The following PAIP2B variants were observed in gnomAD, a reference collection of about 807,000 sequenced individuals.
PAIP2B encodes polyadenylate-binding protein-interacting protein 2B.
PAIP2B carries 13 observed loss-of-function variants against 17.0 expected under a neutral mutation model. That is an observed-to-expected ratio of 0.76 (90% CI 0.50 to 1.22). The LOEUF (loss-of-function observed/expected upper bound fraction) is 1.22. Among genes scored for constraint, PAIP2B ranks in the 50% most tolerant of loss-of-function variants. The pLI, the probability that PAIP2B is intolerant of heterozygous loss-of-function variation, is 0.00. For missense variants in PAIP2B, 117 were observed against 144.5 expected (o/e 0.81, Z 0.98); for synonymous variants, 43 against 48.7 (o/e 0.88, Z 0.48).
chr2:71,186,425 A>G lies in PAIP2B; in HGVS notation c.*2054T>C, dbSNP rs185011549. The G allele has an allele frequency of 1.1e-3, 169 of 152,366 alleles. 1 individual carries two copies. Among genetic ancestry groups the G allele is most frequent in the African/African-American group, 3.8e-3 (157 of 41,582 alleles). 9.4% of individuals were successfully genotyped at this position (152,366 alleles called of 1,614,324 possible). On this transcript the variant is annotated 3_prime_UTR_variant, in exon 4 of 4. Coordinates refer to ENST00000244221, the MANE Select transcript of PAIP2B (RefSeq NM_020459.1). ...TGCCAGCCCTCAGTGTCCATGCTAAACTGGCAGGAAGTTTTCATAGTCCTG... is the reference window on the plus strand; with the variant it reads ...TGCCAGCCCTCAGTGTCCATGCTAAGCTGGCAGGAAGTTTTCATAGTCCTG...
intron 1 of PAIP2B, among the ~76,000 whole-genome samples, chr2:71,225,945 C>G (rs1445395574): frequency 6.6e-6 from 1 of 152,162 alleles, no homozygotes. Context: ...TATTTTATGA[C>G]AAAGTAGGGT....
At chr2:71,199,950 G>T (rs1478934070) in intron 2 of PAIP2B, among the ~76,000 whole-genome samples, 1 of 152,102 alleles carries the variant, frequency 6.6e-6, no homozygotes, top group East Asian at 1.9e-4. Flanking sequence ...TCTTTCCTGA[G>T]TTACTTTAAA....
At chr2:71,219,355 T>C (rs149701595) in intron 1 of PAIP2B, among the ~76,000 whole-genome samples, 1 of 152,328 alleles carries the variant, frequency 6.6e-6, no homozygotes, top group African/African-American at 2.4e-5. Context: ...TTCTCATGTA[T>C]GTACCCCATG....
intron 1 of PAIP2B, among the ~76,000 whole-genome samples, chr2:71,204,157 C>T (rs1675062328): frequency 6.9e-6 from 1 of 143,894 alleles, no homozygotes; most frequent in Admixed American, 6.7e-5. Context: ...TTGTAACTCA[C>T]CACAATATTA....
intron 1 of PAIP2B, among the ~76,000 whole-genome samples, chr2:71,204,982 T>C (rs1018987547): frequency 6.6e-6 from 1 of 151,404 alleles, no homozygotes; most frequent in Non-Finnish European, 1.5e-5. Context: ...TTAAAAAAAA[T>C]CTTCCTGTGC....
chr2:71,207,804 G>A (rs1675174831), intron 1 of PAIP2B, among the ~76,000 whole-genome samples: 1 of 152,164 alleles, frequency 6.6e-6, no homozygotes, highest in Admixed American at 6.5e-5. Context: ...GATTGGTAAT[G>A]TCATTCACTG....
intron 1 of PAIP2B, among the ~76,000 whole-genome samples, chr2:71,220,807 C>G (rs1195393051): frequency 6.6e-6 from 1 of 152,190 alleles, no homozygotes; most frequent in Non-Finnish European, 1.5e-5. Context: ...TTTGAGAAAT[C>G]TTTCCCCAGC....
intron 1 of PAIP2B, among the ~76,000 whole-genome samples, chr2:71,215,373 G>A (rs1572936470): frequency 1.3e-5 from 2 of 152,166 alleles, no homozygotes; most frequent in Non-Finnish European, 2.9e-5. Context: ...AATTCAGATG[G>A]TCTAAAGGTG....
chr2:71,204,512 T>C (rs1319836334), intron 1 of PAIP2B, among the ~76,000 whole-genome samples: 1 of 152,142 alleles, frequency 6.6e-6, no homozygotes, highest in Non-Finnish European at 1.5e-5. Flanking sequence ...GAGCAAAGAA[T>C]AGATGGAAAA....
intron 1 of PAIP2B, among the ~76,000 whole-genome samples, chr2:71,208,407 A>C (rs1056023082): frequency 2.0e-5 from 3 of 151,542 alleles, no homozygotes; most frequent in Non-Finnish European, 4.4e-5. Context: ...TGGGTGATGG[A>C]GCGAGACTCC....
rs1674482799 is a variant in PAIP2B at position 71,184,517 on chromosome 2, G to A, written c.*3962C>T. ...TCCCCTGTCCCTGTCACCAATAGCA[G>A]CTTCATTGTGAGAAGATTAAAACAA... On this transcript the variant is annotated 3_prime_UTR_variant, in exon 4 of 4. Transcript: ENST00000244221. 6.6e-6 allele frequency: 1 copy of A among 152,152 alleles called. No homozygotes were observed. Among genetic ancestry groups the A allele is most frequent in the African/African-American group, 2.4e-5 (1 of 41,424 alleles). 9.4% of individuals were successfully genotyped at this position (152,152 alleles called of 1,614,324 possible).
intron 2 of PAIP2B, 53 bp from the exon 3 acceptor site, chr2:71,190,074 C>T (rs1674648225): frequency 6.6e-7 from 1 of 1,516,004 alleles, no homozygotes; most frequent in Admixed American, 2.1e-5. Context: ...AGACTTACCC[C>T]TTCCAGTTTT....
At chr2:71,217,841 G>GA (rs34638615) in intron 1 of PAIP2B, among the ~76,000 whole-genome samples, 84,231 of 152,000 alleles carry the variant, frequency 0.55, 24,290 homozygotes, top group Middle Eastern at 0.65. Flanking sequence ...GCCAAGGGGG[G>GA]AGATTACTTG....
At chr2:71,220,982 T>C (rs190521512) in intron 1 of PAIP2B, among the ~76,000 whole-genome samples, 2 of 152,382 alleles carry the variant, frequency 1.3e-5, no homozygotes, top group East Asian at 3.9e-4. Flanking sequence ...CCTTGAACAG[T>C]GTGCAACACA....
intron 1 of PAIP2B, among the ~76,000 whole-genome samples, chr2:71,224,607 A>G (rs1006904846): frequency 6.6e-6 from 1 of 152,158 alleles, no homozygotes; most frequent in African/African-American, 2.4e-5. Flanking sequence ...AGATGGTGGA[A>G]AAAAACAGGT....
intron 1 of PAIP2B, among the ~76,000 whole-genome samples, chr2:71,225,767 C>A (rs868833500): frequency 6.6e-6 from 1 of 152,226 alleles, no homozygotes; most frequent in Middle Eastern, 3.4e-3. Context: ...GTACTGTTAT[C>A]AAAAAACATA....
chr2:71,223,170 G>A (rs369423964), intron 1 of PAIP2B, among the ~76,000 whole-genome samples: 44 of 152,218 alleles, frequency 2.9e-4, no homozygotes, highest in Non-Finnish European at 5.4e-4. Flanking sequence ...CCCAGCACTC[G>A]GGGAGGCCAA....
intron 2 of PAIP2B, among the ~76,000 whole-genome samples, chr2:71,201,027 G>A (rs2103781204): frequency 6.6e-6 from 1 of 151,904 alleles, no homozygotes; most frequent in African/African-American, 2.4e-5. Flanking sequence ...GTGTGTGTGT[G>A]TGTGTGTGTG....
chr2:71,189,315 C>T, intron 3 of PAIP2B, among the ~76,000 whole-genome samples: 1 of 152,174 alleles, frequency 6.6e-6, no homozygotes, highest in East Asian at 1.9e-4. Context: ...GCCCAGCCTG[C>T]TCACAGACTT....
Sources: gnomAD v4.1 joint callset for allele counts (sites outside exome capture counted in the v4.1 genomes callset) on GRCh38, gnomAD v4.1.1 for gene constraint, MANE v1.5 for transcripts, NCBI Gene and HGNC (gene_info 2026-07-23, HGNC 2026-07-21) for gene names.